PTPRG: variants seen among roughly 807,000 people sequenced by gnomAD.
PTPRG encodes the protein protein tyrosine phosphatase receptor type G.
In PTPRG, 102 loss-of-function variants were observed where a neutral mutation model predicts 165.3. The ratio of observed to expected loss-of-function variants is 0.62; its 90% CI spans 0.53 to 0.73. The LOEUF is 0.73. Among genes scored for constraint, PTPRG ranks in the 30% least tolerant of loss-of-function variants. The pLI is 0.00. For synonymous variants in PTPRG, 675 were observed against 669.5 expected (o/e 1.01, Z -0.13); for missense variants, 1,866 against 1,861.4 (o/e 1.00, Z -0.05).
intron 2 of PTPRG, among the ~76,000 whole-genome samples, chr3:61,897,816 A>G (rs2038397035): frequency 6.6e-6 from 1 of 152,162 alleles, no homozygotes; most frequent in Non-Finnish European, 1.5e-5. Context: ...TATTTTCTCT[A>G]GAGTACAGTT....
At chr3:61,658,999 A>G (rs1288631722) in intron 1 of PTPRG, among the ~76,000 whole-genome samples, 2 of 152,070 alleles carry the variant, frequency 1.3e-5, no homozygotes, top group Non-Finnish European at 2.9e-5. Flanking sequence ...ATTTTTGCTG[A>G]TAGCCTTCTA....
chr3:62,031,153 A>G (rs1438350819), intron 4 of PTPRG, among the ~76,000 whole-genome samples: 2 of 152,254 alleles, frequency 1.3e-5, no homozygotes, highest in African/African-American at 2.4e-5. Context: ...GAGTAACTGT[A>G]TACCAGCTTA....
intron 5 of PTPRG, among the ~76,000 whole-genome samples, chr3:62,130,342 G>A (rs531650110): frequency 3.3e-4 from 50 of 152,316 alleles, no homozygotes; most frequent in African/African-American, 1.2e-3. Flanking sequence ...GCTTGTGTCT[G>A]CATCATGTTC....
chr3:61,783,804 T>G (rs574645121), intron 2 of PTPRG, among the ~76,000 whole-genome samples: 2 of 152,232 alleles, frequency 1.3e-5, no homozygotes, highest in African/African-American at 4.8e-5. Context: ...CAGATGAACT[T>G]GGGTTGCATA....
At chr3:61,674,752 C>T (rs546562437) in intron 1 of PTPRG, among the ~76,000 whole-genome samples, 37 of 152,264 alleles carry the variant, frequency 2.4e-4, no homozygotes, top group Non-Finnish European at 5.0e-4. Context: ...GAATGTCTTT[C>T]AAACTCTGGG....
intron 1 of PTPRG, among the ~76,000 whole-genome samples, chr3:61,619,173 A>G (rs889165960): frequency 6.6e-6 from 1 of 151,928 alleles, no homozygotes; most frequent in African/African-American, 2.4e-5. Context: ...TAAAAAAAGA[A>G]AAGGTACCTT....
intron 2 of PTPRG, among the ~76,000 whole-genome samples, chr3:61,882,369 C>T (rs1183224038): frequency 1.3e-5 from 2 of 152,110 alleles, no homozygotes; most frequent in Non-Finnish European, 2.9e-5. Flanking sequence ...CCAAAATGTC[C>T]CTGAAACTAT....
chr3:61,863,190 G>T (rs1264925788), intron 2 of PTPRG, among the ~76,000 whole-genome samples: 1 of 152,156 alleles, frequency 6.6e-6, no homozygotes, highest in Admixed American at 6.5e-5. Flanking sequence ...ACCCAGACGG[G>T]GCTTCCCCCT....
intron 26 of PTPRG, 29 bp downstream of exon 26, chr3:62,277,708 A>G (rs369698460): frequency 1.2e-5 from 19 of 1,609,062 alleles, no homozygotes; most frequent in Admixed American, 5.0e-5. Flanking sequence ...CTATATATTA[A>G]TGAGCCCATG....
intron 12 of PTPRG, among the ~76,000 whole-genome samples, chr3:62,204,205 G>A (rs1576131142): frequency 6.6e-6 from 1 of 152,212 alleles, no homozygotes; most frequent in East Asian, 1.9e-4. Flanking sequence ...TAACTCCAGG[G>A]ACTTCAACCA....
chr3:61,689,380 A>G (rs2030005454), intron 1 of PTPRG, among the ~76,000 whole-genome samples: 1 of 152,186 alleles, frequency 6.6e-6, no homozygotes, highest in Non-Finnish European at 1.5e-5. Flanking sequence ...TTTCAATAAA[A>G]CTGGATGCAT....
At position 62,262,828 on chromosome 3, in the gene PTPRG, A is replaced by T. The variant is rs146787787; in HGVS notation, c.2590A>T (p.Ile864Phe). 2.1e-5 allele frequency: 34 copies of T among 1,613,892 alleles called. No individual in the cohort carries two copies. The African/African-American group carries it at 4.3e-4, about 20-fold the overall frequency. Residue 864 changes from isoleucine to phenylalanine, a missense_variant, in exon 17 of 30, where the codon ATC becomes TTC. Coordinates refer to ENST00000474889, the MANE Select transcript of PTPRG (RefSeq NM_002841.4). ...EVQRCTADMN[I>F]TAEHSNHPEN... Reference sequence around the variant, plus strand: ...CCAGCGCTGTACTGCTGATATGAACATCACTGCAGAGCATTCCAATCATCC... The same window carrying T: ...CCAGCGCTGTACTGCTGATATGAACTTCACTGCAGAGCATTCCAATCATCC...
At chr3:61,967,424 CTCCAT>C (rs1310079090) in intron 2 of PTPRG, among the ~76,000 whole-genome samples, 1 of 152,154 alleles carries the variant, frequency 6.6e-6, no homozygotes, top group Non-Finnish European at 1.5e-5. Context: ...ACTCCTTAAT[CTCCAT>C]TCTACTTGTC....
At chr3:62,123,386 T>C (rs1703154143) in intron 5 of PTPRG, among the ~76,000 whole-genome samples, 1 of 152,190 alleles carries the variant, frequency 6.6e-6, no homozygotes, top group Admixed American at 6.5e-5. Flanking sequence ...GCTAGGACTA[T>C]AGATGTGCAC....
chr3:61,850,438 G>T (rs1433701290), intron 2 of PTPRG, among the ~76,000 whole-genome samples: 4 of 152,170 alleles, frequency 2.6e-5, no homozygotes, highest in African/African-American at 9.7e-5. Flanking sequence ...TGGGATTACA[G>T]GCGTGAGCCG....
intron 2 of PTPRG, among the ~76,000 whole-genome samples, chr3:61,820,230 A>G (rs1414601578): frequency 6.6e-6 from 1 of 152,178 alleles, no homozygotes; most frequent in Non-Finnish European, 1.5e-5. Context: ...GAGACCCAGG[A>G]GAGCCAATGG....
intron 4 of PTPRG, among the ~76,000 whole-genome samples, chr3:62,020,977 A>G (rs1231938796): frequency 2.0e-5 from 3 of 151,672 alleles, no homozygotes; most frequent in African/African-American, 4.8e-5. Context: ...ACCTGGCCTC[A>G]TCTATGTTTT....
intron 2 of PTPRG, among the ~76,000 whole-genome samples, chr3:61,797,447 C>T (rs1426891034): frequency 3.3e-5 from 5 of 151,956 alleles, no homozygotes; most frequent in African/African-American, 1.2e-4. Flanking sequence ...TAACCTTTTT[C>T]CGTAATAACT....
intron 2 of PTPRG, among the ~76,000 whole-genome samples, chr3:61,824,078 C>T (rs980374921): frequency 6.6e-6 from 1 of 151,934 alleles, no homozygotes. Flanking sequence ...GAGCCAAGAT[C>T]GCTCCACTGC....
Sources: allele counts gnomAD v4.1 joint callset (sites outside exome capture counted in the v4.1 genomes callset), GRCh38; gene constraint gnomAD v4.1.1; transcripts MANE v1.5; gene names NCBI Gene and HGNC (gene_info 2026-07-23, HGNC 2026-07-21).